The following TYR variants were observed in gnomAD, a reference collection of about 807,000 sequenced individuals.
The protein encoded by TYR is tyrosinase.
TYR carries 58 observed loss-of-function variants against 51.5 expected under a neutral mutation model. The observed-to-expected ratio is 1.13, with a 90% CI of 0.91 to 1.40. The LOEUF (loss-of-function observed/expected upper bound fraction) is 1.40, where lower values mean the gene tolerates loss of function less well. TYR is among the 40% of genes most tolerant of loss of function. The probability of loss-of-function intolerance (pLI) is 0.00; values close to 1 mark genes in which losing one functional copy is unlikely to be tolerated. For synonymous variants in TYR, 263 were observed against 235.2 expected (o/e 1.12, Z -1.08); for missense variants, 732 against 647.4 (o/e 1.13, Z -1.42).
intron 4 of TYR, among the ~76,000 whole-genome samples, chr11:89,289,504 T>A (rs1314560452): frequency 6.6e-6 from 1 of 151,938 alleles, no homozygotes; most frequent in Non-Finnish European, 1.5e-5. Flanking sequence ...TTCTCCATGA[T>A]GCCTTTCTAT....
At chr11:89,194,681 T>TATCA (rs1389355536) in intron 2 of TYR, among the ~76,000 whole-genome samples, 2 of 149,964 alleles carry the variant, frequency 1.3e-5, no homozygotes, top group Admixed American at 6.7e-5. Flanking sequence ...TCTATCTATC[T>TATCA]ATCATCTATC....
At chr11:89,241,812 T>C (rs907400917) in intron 3 of TYR, among the ~76,000 whole-genome samples, 2 of 148,048 alleles carry the variant, frequency 1.4e-5, no homozygotes, top group Admixed American at 1.4e-4. Context: ...TACTATATAA[T>C]ATAGTATATA....
chr11:89,259,932 C>G (rs538919540), intron 3 of TYR, among the ~76,000 whole-genome samples: 61 of 151,940 alleles, frequency 4.0e-4, no homozygotes, highest in Non-Finnish European at 7.7e-4. Context: ...GCTTAAGAAC[C>G]AGATTGGTTC....
chr11:89,247,170 T>C lies in TYR; in HGVS notation c.1184+19200T>C, dbSNP rs1164078894. Among the ~76,000 whole-genome samples the C allele has an allele frequency of 2.6e-5, 4 of 152,218 alleles. No homozygotes were observed. In the East Asian group the frequency reaches 7.7e-4, roughly 29 times the overall value. Reference sequence around the variant, plus strand: ...TGATGTTATTGTTAGATTTAGCTCTTATACCACTCTGTGCTTGTTAGACTG... The same window carrying C: ...TGATGTTATTGTTAGATTTAGCTCTCATACCACTCTGTGCTTGTTAGACTG... On this transcript the variant is annotated intron_variant, in intron 3 of 4. Coordinates refer to ENST00000263321, the MANE Select transcript of TYR (RefSeq NM_000372.5).
chr11:89,265,740 T>C (rs186182419), intron 3 of TYR, among the ~76,000 whole-genome samples: 142 of 152,156 alleles, frequency 9.3e-4, no homozygotes, highest in South Asian at 2.3e-3. Context: ...TCCCTTTCCA[T>C]AGTGGAGATT....
chr11:89,216,606 T>C (rs1267494688), intron 2 of TYR, among the ~76,000 whole-genome samples: 1 of 128,456 alleles, frequency 7.8e-6, no homozygotes, highest in African/African-American at 3.2e-5. Flanking sequence ...TGAGCCGAGA[T>C]CGCACCACTG....
chr11:89,190,867 T>G (rs1434481386), intron 1 of TYR, among the ~76,000 whole-genome samples: 3 of 152,140 alleles, frequency 2.0e-5, no homozygotes, highest in African/African-American at 7.2e-5. Context: ...TATAGATACT[T>G]GCCATTATCT....
At chr11:89,285,466 G>A (rs927808406) in intron 4 of TYR, among the ~76,000 whole-genome samples, 40 of 151,880 alleles carry the variant, frequency 2.6e-4, no homozygotes, top group African/African-American at 9.4e-4. Flanking sequence ...GAACTTAAGT[G>A]TAGTTAATAA....
At chr11:89,256,618 A>G (rs1264173361) in intron 3 of TYR, among the ~76,000 whole-genome samples, 1 of 151,936 alleles carries the variant, frequency 6.6e-6, no homozygotes, top group African/African-American at 2.4e-5. Flanking sequence ...TGAAAATTCA[A>G]AAGTGGAAAA....
intron 2 of TYR, among the ~76,000 whole-genome samples, chr11:89,221,324 C>T (rs1015392318): frequency 2.0e-5 from 3 of 152,170 alleles, no homozygotes; most frequent in African/African-American, 7.2e-5. Flanking sequence ...ACTCATGCAC[C>T]ACTTCATTTG....
chr11:89,216,964 T>C (rs1407258309), intron 2 of TYR, among the ~76,000 whole-genome samples: 1 of 152,148 alleles, frequency 6.6e-6, no homozygotes, highest in Non-Finnish European at 1.5e-5. Context: ...CTAGTGGCCA[T>C]GTGTCCAACA....
chr11:89,200,089 A>G (rs1231527743), intron 2 of TYR, among the ~76,000 whole-genome samples: 2 of 152,196 alleles, frequency 1.3e-5, no homozygotes, highest in African/African-American at 4.8e-5. Context: ...ATACGAGTTA[A>G]AAGACTTCAG....
chr11:89,233,171 C>A (rs1049683279), intron 3 of TYR, among the ~76,000 whole-genome samples: 1 of 143,446 alleles, frequency 7.0e-6, no homozygotes, highest in South Asian at 2.3e-4. Flanking sequence ...AAAACATTCA[C>A]AGTATCTTCA....
intron 1 of TYR, among the ~76,000 whole-genome samples, chr11:89,185,308 GT>G (rs1033368454): frequency 7.2e-5 from 11 of 152,002 alleles, no homozygotes; most frequent in African/African-American, 2.7e-4. Flanking sequence ...CTCAATATAG[GT>G]TTAAAAAAAT....
intron 3 of TYR, among the ~76,000 whole-genome samples, chr11:89,252,236 T>C (rs776980645): frequency 2.0e-5 from 3 of 151,782 alleles, no homozygotes; most frequent in Non-Finnish European, 4.4e-5. Flanking sequence ...AAAAATATAA[T>C]AGGAAAATTT....
intron 4 of TYR, among the ~76,000 whole-genome samples, chr11:89,288,960 A>G (rs1368005389): frequency 2.0e-5 from 3 of 151,964 alleles, no homozygotes; most frequent in African/African-American, 7.3e-5. Flanking sequence ...CATGTTTATA[A>G]TTACTTAAGT....
At chr11:89,261,328 A>T (rs1944453935) in intron 3 of TYR, among the ~76,000 whole-genome samples, 1 of 152,128 alleles carries the variant, frequency 6.6e-6, no homozygotes, top group South Asian at 2.1e-4. Context: ...TGTTGTCTAC[A>T]AGAGACTCAC....
chr11:89,273,201 C>T (rs1944610863), intron 3 of TYR, among the ~76,000 whole-genome samples: 2 of 151,860 alleles, frequency 1.3e-5, no homozygotes, highest in Admixed American at 6.6e-5. Flanking sequence ...TAATATTTAT[C>T]TAATATTATT....
At chr11:89,236,351 G>A (rs993940685) in intron 3 of TYR, among the ~76,000 whole-genome samples, 16 of 152,050 alleles carry the variant, frequency 1.1e-4, no homozygotes, top group Admixed American at 2.6e-4. Flanking sequence ...TTGTTTAGTA[G>A]AGAGAATGTC....
Sources: gnomAD v4.1 joint callset for allele counts (sites outside exome capture counted in the v4.1 genomes callset) on GRCh38, gnomAD v4.1.1 for gene constraint, MANE v1.5 for transcripts, NCBI Gene and HGNC (gene_info 2026-07-23, HGNC 2026-07-21) for gene names.